The following FSTL4 variants were observed in gnomAD, a reference collection of about 807,000 sequenced individuals.
The protein encoded by FSTL4 is follistatin-related protein 4.
Under a neutral mutation model 78.2 loss-of-function variants are expected in FSTL4, and 28 were observed. The ratio of observed to expected loss-of-function variants is 0.36; its 90% CI spans 0.27 to 0.49. FSTL4 has a LOEUF of 0.49. FSTL4 is among the 20% of genes least tolerant of loss of function. The pLI, the probability that FSTL4 is intolerant of heterozygous loss-of-function variation, is 0.98. For synonymous variants in FSTL4, 422 were observed against 440.5 expected (o/e 0.96, Z 0.53); for missense variants, 922 against 1,084.9 (o/e 0.85, Z 2.11).
chr5:133,204,279 C>T (rs6596112), intron 14 of FSTL4, among the ~76,000 whole-genome samples: 2 of 151,772 alleles, frequency 1.3e-5, no homozygotes, highest in East Asian at 1.9e-4. Context: ...GTGCTGAGGG[C>T]GGCTTTGGTG....
chr5:133,382,341 TTGTTTGTTAC>T (rs1755593603), intron 4 of FSTL4, among the ~76,000 whole-genome samples: 1 of 152,218 alleles, frequency 6.6e-6, no homozygotes, highest in African/African-American at 2.4e-5. Flanking sequence ...GGTTTTGCAG[TTGTTTGTTAC>T]TGTGGCATAA....
the FSTL4 span, among the ~76,000 whole-genome samples, chr5:133,824,187 G>GA: frequency 6.6e-6 from 1 of 152,190 alleles, no homozygotes; most frequent in African/African-American, 2.4e-5. Context: ...TCTACCTGGA[G>GA]AGAGCATCAG....
intron 3 of FSTL4, among the ~76,000 whole-genome samples, chr5:133,478,751 C>T (rs1347679847): frequency 1.3e-5 from 2 of 152,056 alleles, no homozygotes; most frequent in Non-Finnish European, 2.9e-5. Flanking sequence ...TTTGCTCACA[C>T]ACACGAGTGC....
chr5:133,572,282 C>T (rs1483717404), intron 2 of FSTL4, among the ~76,000 whole-genome samples: 1 of 151,978 alleles, frequency 6.6e-6, no homozygotes, highest in African/African-American at 2.4e-5. Context: ...ATTTTTTTAA[C>T]TTTTATTTGA....
chr5:133,730,188 G>A, the FSTL4 span, among the ~76,000 whole-genome samples: 4 of 152,194 alleles, frequency 2.6e-5, no homozygotes, highest in Admixed American at 1.3e-4. Flanking sequence ...AGTCATGTGG[G>A]AAGATATAAC....
the FSTL4 span, among the ~76,000 whole-genome samples, chr5:133,704,437 G>A: frequency 6.6e-6 from 1 of 152,192 alleles, no homozygotes; most frequent in Non-Finnish European, 1.5e-5. Context: ...AGTGACCCAA[G>A]GGTTCAGGCC....
the FSTL4 span, among the ~76,000 whole-genome samples, chr5:133,779,677 G>A: frequency 6.6e-6 from 1 of 152,210 alleles, no homozygotes; most frequent in African/African-American, 2.4e-5. Context: ...CACTGCTCTT[G>A]GAAGAATTCA....
the FSTL4 span, among the ~76,000 whole-genome samples, chr5:133,726,429 G>A: frequency 9.2e-3 from 1,405 of 152,320 alleles, 27 homozygotes; most frequent in African/African-American, 0.031. Flanking sequence ...AGGAAGGGCA[G>A]CTTCCCCATC....
intron 6 of FSTL4, 67 bp downstream of exon 6, chr5:133,312,587 C>A: frequency 6.6e-7 from 1 of 1,505,448 alleles, no homozygotes; most frequent in Non-Finnish European, 9.2e-7. Context: ...ACTCCAGGCA[C>A]CCAACAGCAT....
the FSTL4 span, among the ~76,000 whole-genome samples, chr5:133,811,252 C>T: frequency 6.6e-6 from 1 of 152,190 alleles, no homozygotes; most frequent in African/African-American, 2.4e-5. Context: ...TCCCTTTCCT[C>T]TTCACCACTT....
chr5:133,311,149 T>C (rs747618812), intron 6 of FSTL4, among the ~76,000 whole-genome samples: 2 of 152,232 alleles, frequency 1.3e-5, no homozygotes, highest in Non-Finnish European at 2.9e-5. Flanking sequence ...GTAAAATTCC[T>C]GAAAATTTAA....
the FSTL4 span, among the ~76,000 whole-genome samples, chr5:133,679,485 C>T: frequency 6.6e-6 from 1 of 152,106 alleles, no homozygotes; most frequent in Non-Finnish European, 1.5e-5. Flanking sequence ...GGTCTTGGAC[C>T]ATTTCCTAGG....
At chr5:133,210,581 C>T (rs938484591) in intron 13 of FSTL4, among the ~76,000 whole-genome samples, 5 of 152,014 alleles carry the variant, frequency 3.3e-5, no homozygotes, top group Non-Finnish European at 1.5e-5. Context: ...CAACCTCCGC[C>T]TCCCAGGCTC....
chr5:133,377,821 T>C (rs1478347277), intron 4 of FSTL4, among the ~76,000 whole-genome samples: 3 of 152,120 alleles, frequency 2.0e-5, no homozygotes, highest in Non-Finnish European at 4.4e-5. Flanking sequence ...AAGGAAGATA[T>C]ACACAGAGAT....
intron 7 of FSTL4, among the ~76,000 whole-genome samples, chr5:133,237,853 CT>C (rs11355354): frequency 0.48 from 67,831 of 142,108 alleles, 16,925 homozygotes; most frequent in East Asian, 0.69. Context: ...TTATGGATGG[CT>C]TTTTTTTTTT....
intron 3 of FSTL4, among the ~76,000 whole-genome samples, chr5:133,467,257 A>T (rs113541618): frequency 0.019 from 2,657 of 139,256 alleles, 78 homozygotes; most frequent in African/African-American, 0.063. Context: ...AGTATATGTG[A>T]GTGTGTGTGT....
chr5:133,210,575 C>T (rs1750677194), intron 13 of FSTL4, among the ~76,000 whole-genome samples: 1 of 152,090 alleles, frequency 6.6e-6, no homozygotes, highest in South Asian at 2.1e-4. Context: ...TCACTGCAAC[C>T]TCCGCCTCCC....
chr5:133,591,734 T>C (rs1391774321), intron 2 of FSTL4, among the ~76,000 whole-genome samples: 1 of 152,064 alleles, frequency 6.6e-6, no homozygotes, highest in Non-Finnish European at 1.5e-5. Flanking sequence ...CTCAGAGCTC[T>C]CTGGAAAGAC....
At chr5:133,645,981 T>A in the FSTL4 span, among the ~76,000 whole-genome samples, 3 of 152,138 alleles carry the variant, frequency 2.0e-5, no homozygotes, top group African/African-American at 7.2e-5. Context: ...TAGTGCATTG[T>A]GTTATGGCAA....
Sources: allele counts gnomAD v4.1 joint callset (sites outside exome capture counted in the v4.1 genomes callset), GRCh38; gene constraint gnomAD v4.1.1; transcripts MANE v1.5; gene names NCBI Gene and HGNC (gene_info 2026-07-23, HGNC 2026-07-21).